The following DYRK1A variants were observed in gnomAD, a reference collection of about 807,000 sequenced individuals.
DYRK1A encodes dual specificity tyrosine phosphorylation regulated kinase 1A, also known as dual specificity tyrosine-phosphorylation-regulated kinase 1A.
In DYRK1A, 9 loss-of-function variants were observed where a neutral mutation model predicts 79.7. That is an observed-to-expected ratio of 0.11 (90% CI 0.07 to 0.20). The LOEUF is 0.20. Ranked by LOEUF, DYRK1A falls within the 10% of genes least tolerant of loss-of-function variation. DYRK1A has a pLI of 1.00. For synonymous variants in DYRK1A, 349 were observed against 329.7 expected, an observed-to-expected ratio of 1.06 and a Z score of -0.63; for missense variants, 622 against 956.0, an observed-to-expected ratio of 0.65 and a Z score of 4.61.
chr21:37,441,870 C>T (rs11702689), intron 2 of DYRK1A, among the ~76,000 whole-genome samples: 24,816 of 151,428 alleles, frequency 0.16, 2,894 homozygotes, highest in African/African-American at 0.32. Flanking sequence ...TTCCTTCATC[C>T]TGAGTATTTC....
rs1417954535 is a variant in DYRK1A at position 37,496,211 on chromosome 21, T to G, written c.1165T>G (p.Leu389Val). The G allele has an allele frequency of 1.2e-6, 2 of 1,614,118 alleles. No individual in the cohort carries two copies. The highest frequency in any genetic ancestry group is 1.1e-5 in the South Asian group (1 of 91,056). ...APKARKFFEKLPDGTWNLKKT... is the reference protein window; with the variant it reads ...APKARKFFEKVPDGTWNLKKT... ...AAAAGCAAGAAAGTTCTTTGAGAAG[T>G]TGCCAGATGGCACTTGGAACTTAAA... Residue 389 changes from leucine to valine, a missense_variant, in exon 9 of 12, where the codon TTG becomes GTG. Leu to Val is a conservative substitution (Grantham distance 32). Coordinates refer to ENST00000647188, the MANE Select transcript of DYRK1A (RefSeq NM_001347721.2).
At chr21:37,454,134 C>T (rs1246411372) in intron 2 of DYRK1A, among the ~76,000 whole-genome samples, 1 of 126,454 alleles carries the variant, frequency 7.9e-6, no homozygotes, top group African/African-American at 3.1e-5. Flanking sequence ...ACTGTGTTGC[C>T]CAGGCTGTAG....
chr21:37,407,663 T>C (rs1314142216), intron 1 of DYRK1A, among the ~76,000 whole-genome samples: 1 of 152,194 alleles, frequency 6.6e-6, no homozygotes, highest in Non-Finnish European at 1.5e-5. Flanking sequence ...TATAACAAAT[T>C]ATGTGTTAAA....
In DYRK1A at chr21:37,440,509, A is replaced by G. The variant is rs1395482092; in HGVS notation, c.10+20125A>G. Among the ~76,000 whole-genome samples the G allele has an allele frequency of 2.0e-5, 3 of 152,130 alleles. No individual in the cohort carries two copies. In the East Asian group the frequency reaches 5.8e-4, roughly 29 times the overall value. ...GATTTAAGAACTCTTTTCCTTTCTA[A>G]TAGAGATGATTAATGCTATAATATT... On this transcript the variant is annotated intron_variant, in intron 2 of 11. Coordinates refer to ENST00000647188, the MANE Select transcript of DYRK1A (RefSeq NM_001347721.2).
At chr21:37,500,342 T>C (rs2053405248) in intron 9 of DYRK1A, among the ~76,000 whole-genome samples, 1 of 152,214 alleles carries the variant, frequency 6.6e-6, no homozygotes, top group Admixed American at 6.5e-5. Context: ...GATATACTAT[T>C]CCCTTATATA....
chr21:37,435,909 T>A (rs1026772860), intron 2 of DYRK1A, among the ~76,000 whole-genome samples: 1 of 152,024 alleles, frequency 6.6e-6, no homozygotes, highest in African/African-American at 2.4e-5. Context: ...CTAATTGAAG[T>A]CAGATGTTTT....
chr21:37,420,239 C>T, intron 1 of DYRK1A, 60 bp from the exon 2 acceptor site: 1 of 562,832 alleles, frequency 1.8e-6, no homozygotes, highest in Non-Finnish European at 3.0e-6. Context: ...AGATATTCCT[C>T]AGTTGGGGTA....
chr21:37,417,773 T>C (rs2050385749), intron 1 of DYRK1A, among the ~76,000 whole-genome samples: 1 of 152,002 alleles, frequency 6.6e-6, no homozygotes, highest in Non-Finnish European at 1.5e-5. Flanking sequence ...TAAGTTTAAC[T>C]TCAAAAAACC....
At chr21:37,381,035 T>G (rs1569280009) in intron 1 of DYRK1A, among the ~76,000 whole-genome samples, 1 of 152,244 alleles carries the variant, frequency 6.6e-6, no homozygotes, top group Non-Finnish European at 1.5e-5. Context: ...AATTTTTTAG[T>G]GCTTATTTGA....
At chr21:37,373,097 G>A (rs551505684) in intron 1 of DYRK1A, among the ~76,000 whole-genome samples, 5 of 152,226 alleles carry the variant, frequency 3.3e-5, no homozygotes, top group African/African-American at 7.2e-5. Context: ...GATAGAATGC[G>A]GAACCTGTAT....
chr21:37,406,910 T>C (rs1375559269), intron 1 of DYRK1A, among the ~76,000 whole-genome samples: 1 of 149,236 alleles, frequency 6.7e-6, no homozygotes, highest in Non-Finnish European at 1.5e-5. Flanking sequence ...AAAAATTCTT[T>C]TTGAGTTGAT....
At chr21:37,411,046 C>CT (rs1339216627) in intron 1 of DYRK1A, among the ~76,000 whole-genome samples, 4 of 39,780 alleles carry the variant, frequency 1.0e-4, no homozygotes, top group Non-Finnish European at 1.6e-4. Context: ...GAGATTCTGT[C>CT]TTTAAAAAAA....
In DYRK1A at chr21:37,391,029, G is replaced by A. The variant is rs189857899; in HGVS notation, c.-77+23401G>A. 1.6e-3 allele frequency among the ~76,000 whole-genome samples: 238 copies of A among 152,304 alleles called. 2 individuals are homozygous for A. The highest frequency in any genetic ancestry group is 5.3e-3 in the African/African-American group (220 of 41,562). On this transcript the variant is annotated intron_variant, in intron 1 of 11. Transcript: ENST00000647188. ...TATTAGATACAGATTAGATGTCTCAGGCAGGAATGATGCTGTTTTGAATTT... is the reference window on the plus strand; with the variant it reads ...TATTAGATACAGATTAGATGTCTCAAGCAGGAATGATGCTGTTTTGAATTT...
intron 1 of DYRK1A, among the ~76,000 whole-genome samples, chr21:37,402,439 C>A (rs1202180153): frequency 2.0e-5 from 3 of 152,162 alleles, no homozygotes; most frequent in Non-Finnish European, 4.4e-5. Flanking sequence ...CCATTGTCTT[C>A]TGGCTTCCAT....
chr21:37,386,403 CT>C, intron 1 of DYRK1A, among the ~76,000 whole-genome samples: 1 of 152,286 alleles, frequency 6.6e-6, no homozygotes, highest in East Asian at 1.9e-4. Flanking sequence ...ACTTGTCAGA[CT>C]TTCTCACGTC....
At chr21:37,467,167 A>G (rs953359375) in intron 2 of DYRK1A, among the ~76,000 whole-genome samples, 1 of 151,944 alleles carries the variant, frequency 6.6e-6, no homozygotes, top group Non-Finnish European at 1.5e-5. Context: ...CTCCTGGTCC[A>G]GAAGGTTTCA....
At chr21:37,387,805 G>A (rs1205199599) in intron 1 of DYRK1A, among the ~76,000 whole-genome samples, 1 of 152,182 alleles carries the variant, frequency 6.6e-6, no homozygotes, top group Non-Finnish European at 1.5e-5. Flanking sequence ...TAAAAGTTTT[G>A]ACTGGGTATA....
At chr21:37,389,567 T>A (rs951192831) in intron 1 of DYRK1A, among the ~76,000 whole-genome samples, 8 of 152,214 alleles carry the variant, frequency 5.3e-5, no homozygotes, top group Non-Finnish European at 1.0e-4. Context: ...TGTCTCAGTT[T>A]CCTCTGGATT....
At chr21:37,371,484 T>C (rs535510643) in intron 1 of DYRK1A, among the ~76,000 whole-genome samples, 3 of 152,376 alleles carry the variant, frequency 2.0e-5, no homozygotes, top group East Asian at 3.9e-4. Flanking sequence ...TACCCTACGT[T>C]GAACACGTGA....
Sources: gnomAD v4.1 joint callset for allele counts (sites outside exome capture counted in the v4.1 genomes callset) on GRCh38, gnomAD v4.1.1 for gene constraint, MANE v1.5 for transcripts, NCBI Gene and HGNC (gene_info 2026-07-23, HGNC 2026-07-21) for gene names.